CORO1C: variants seen among roughly 807,000 people sequenced by gnomAD.
The protein encoded by CORO1C is coronin-1C.
In CORO1C, 14 loss-of-function variants were observed where a neutral mutation model predicts 51.2. That is an observed-to-expected ratio of 0.27 (90% confidence interval 0.18 to 0.43). The LOEUF (loss-of-function observed/expected upper bound fraction) is 0.43. Ranked by LOEUF, CORO1C falls within the 20% of genes least tolerant of loss-of-function variation. The pLI, the probability that CORO1C is intolerant of heterozygous loss-of-function variation, is 1.00. For missense variants in CORO1C, 417 were observed against 607.8 expected, an observed-to-expected ratio of 0.69 and a Z score of 3.30; for synonymous variants, 181 against 210.5, an observed-to-expected ratio of 0.86 and a Z score of 1.21.
At chr12:108,654,936 C>A (rs2032869619) in intron 6 of CORO1C, among the ~76,000 whole-genome samples, 1 of 152,146 alleles carries the variant, frequency 6.6e-6, no homozygotes, top group Non-Finnish European at 1.5e-5. Flanking sequence ...CAACTCCCAG[C>A]CTCAAGTGAT....
chr12:108,666,290 T>C (rs1476622083), intron 3 of CORO1C, among the ~76,000 whole-genome samples: 7 of 152,124 alleles, frequency 4.6e-5, no homozygotes, highest in Non-Finnish European at 1.0e-4. Flanking sequence ...AAAAAGCTAA[T>C]ACTATAAGCA....
intron 1 of CORO1C, among the ~76,000 whole-genome samples, chr12:108,713,078 TC>T (rs1373826785): frequency 6.6e-6 from 1 of 151,882 alleles, no homozygotes; most frequent in Non-Finnish European, 1.5e-5. Flanking sequence ...CATGAGACAT[TC>T]CAAGAAAAAA....
At chr12:108,702,240 A>T (rs1180716434) in intron 1 of CORO1C, among the ~76,000 whole-genome samples, 1 of 152,190 alleles carries the variant, frequency 6.6e-6, no homozygotes, top group Admixed American at 6.5e-5. Context: ...CAGCAGTAAC[A>T]GTTGGGACCT....
chr12:108,650,096 T>C (rs192019337), intron 8 of CORO1C, among the ~76,000 whole-genome samples: 1 of 150,078 alleles, frequency 6.7e-6, no homozygotes, highest in East Asian at 2.0e-4. Context: ...AAAATCATCA[T>C]CCTCTTTAAA....
In CORO1C at chr12:108,658,777, T is replaced by C; in HGVS notation, c.591A>G (p.Lys197=). Reference sequence around the variant, plus strand: ...GTTTCCTGGGATCAATGACTCTCACTTTCTTGTCTTTGGAAGCTGTGCAGA... The same window carrying C: ...GTTTCCTGGGATCAATGACTCTCACCTTCTTGTCTTTGGAAGCTGTGCAGA... ...SLICTASKDK[K]VRVIDPRKQE... Residue 197 remains lysine, a synonymous_variant, in exon 5 of 11, where the codon AAA becomes AAG. Transcript: ENST00000261401. This position sits in a 1 kb window ranked among gnomAD's most constrained non-coding sequence, Gnocchi z 4.9. 1 of 1,613,012 alleles carries C rather than the reference T, an allele frequency of 6.2e-7. No individual in the cohort carries two copies. The highest frequency in any genetic ancestry group is 8.5e-7 in the Non-Finnish European group (1 of 1,178,976).
intron 2 of CORO1C, among the ~76,000 whole-genome samples, chr12:108,693,844 A>G (rs78603070): frequency 1.3e-3 from 185 of 147,988 alleles, no homozygotes; most frequent in African/African-American, 3.9e-3. Context: ...TACGCAGAGG[A>G]AAAAAAAAAA....
intron 1 of CORO1C, among the ~76,000 whole-genome samples, chr12:108,707,045 CAAAT>C (rs1407682221): frequency 2.6e-5 from 4 of 152,128 alleles, no homozygotes; most frequent in Non-Finnish European, 5.9e-5. Context: ...ATTAAAGACA[CAAAT>C]GAATGAAAAG....
In CORO1C at chr12:108,662,021, G is replaced by A. The variant is rs752883305; in HGVS notation, c.448+8C>T. The A allele has an allele frequency of 1.2e-6, 2 of 1,614,128 alleles. No homozygotes were observed. The highest frequency in any genetic ancestry group is 1.3e-5 in the African/African-American group (1 of 75,052). On this transcript the variant is annotated splice_region_variant and intron_variant, in intron 4 of 10. Transcript: ENST00000261401. Reference sequence around the variant, plus strand: ...GACAAGGGGAGGACCGCTGAGCTCAGCTCCCACCTGCACTAAGAAGCACAT... The same window carrying A: ...GACAAGGGGAGGACCGCTGAGCTCAACTCCCACCTGCACTAAGAAGCACAT...
At position 108,701,106 on chromosome 12, in the gene CORO1C, G is replaced by T; in HGVS notation, c.195+18C>A. 1 of 1,613,298 alleles carries T rather than the reference G, an allele frequency of 6.2e-7. No homozygotes were observed. The highest frequency in any genetic ancestry group is 1.1e-5 in the South Asian group (1 of 91,064). On this transcript the variant is annotated intron_variant, in intron 2 of 10. Coordinates refer to ENST00000261401, the MANE Select transcript of CORO1C (RefSeq NM_014325.4). ...CTATCAGAGGGTGTCTACCAGAATG[G>T]AAGATCAAATTACCTACCTTGTGCA...
At chr12:108,662,253 T>G in intron 3 of CORO1C, 95 bp from the exon 4 acceptor site, 1 of 1,066,844 alleles carries the variant, frequency 9.4e-7, no homozygotes. Flanking sequence ...TTGCTCTATG[T>G]AAACAGAACA....
Position 108,716,127 on chromosome 12 carries a change from CAAAAAAAA to C in CORO1C, c.-5-14812_-5-14805del, listed in dbSNP as rs61278729. On this transcript the variant is annotated intron_variant, in intron 1 of 10. Coordinates refer to ENST00000261401, the MANE Select transcript of CORO1C (RefSeq NM_014325.4). ...TTGGCAATAGAACGAGACTCTGTCGCAAAAAAAAAAAAAAAAAAAAAAAAAAAAAAATC... is the reference window on the plus strand; with the variant it reads ...TTGGCAATAGAACGAGACTCTGTCGCAAAAAAAAAAAAAAAAAAAAAAATC... 2.2e-4 allele frequency among the ~76,000 whole-genome samples: 9 copies of C among 41,086 alleles called. No individual in the cohort carries two copies. The South Asian group carries it at 5.3e-3, about 24-fold the overall frequency. 27.0% of individuals were successfully genotyped at this position (41,086 alleles called of 152,430 possible). A position where few individuals can be genotyped will look rare whatever the true frequency, so the allele number is the denominator to read the frequency against.
rs139334112 is a variant in CORO1C at position 108,660,451 on chromosome 12, CAAAA to C, written c.449-1536_449-1533del. On this transcript the variant is annotated intron_variant, in intron 4 of 10. Coordinates refer to ENST00000261401, the MANE Select transcript of CORO1C (RefSeq NM_014325.4). ...GAGCAACAAGAGCGAAACTCCATCT[CAAAA>C]AAAAAAAAAAAAAAAAAAGAAGTAG... 9.3e-3 allele frequency among the ~76,000 whole-genome samples: 816 copies of C among 87,472 alleles called. 4 individuals carry two copies. The highest frequency in any genetic ancestry group is 0.013 in the Non-Finnish European group (590 of 44,094). 57.4% of individuals were successfully genotyped at this position (87,472 alleles called of 152,430 possible).
Position 108,688,849 on chromosome 12 carries a change from G to C in CORO1C, c.196-10455C>G, listed in dbSNP as rs151080296. 6.3e-3 allele frequency among the ~76,000 whole-genome samples: 965 copies of C among 152,234 alleles called. 6 individuals are homozygous for C. Among genetic ancestry groups the C allele is most frequent in the Non-Finnish European group, 1.0e-2 (678 of 68,002 alleles). ...GTTCGAGACCAGCCTGGCCAAAATG[G>C]TGAAATCTCGTCTCTACTAAAAATA... On this transcript the variant is annotated intron_variant, in intron 2 of 10. Coordinates refer to ENST00000261401, the MANE Select transcript of CORO1C (RefSeq NM_014325.4).
intron 1 of CORO1C, among the ~76,000 whole-genome samples, chr12:108,724,296 T>C (rs189018152): frequency 2.6e-5 from 4 of 152,336 alleles, no homozygotes; most frequent in Admixed American, 2.6e-4. Context: ...GGTCAAAGAC[T>C]ACAAAGGGAA....
At chr12:108,712,643 G>A (rs868033649) in intron 1 of CORO1C, among the ~76,000 whole-genome samples, 6 of 149,198 alleles carry the variant, frequency 4.0e-5, no homozygotes, top group African/African-American at 9.9e-5. Context: ...ACACATTCAC[G>A]AGAGAGCAGA....
intron 2 of CORO1C, among the ~76,000 whole-genome samples, chr12:108,679,109 C>CAAAAAAAAAAAAAAAAAAAAGAAAAA (rs2034024163): frequency 4.5e-5 from 1 of 22,140 alleles, no homozygotes; most frequent in Non-Finnish European, 9.8e-5. Context: ...GACTCTGTCT[C>CAAAAAAAAAAAAAAAAAAAAGAAAAA]AAAAAAAAAA....
At chr12:108,657,187 T>C in intron 6 of CORO1C, 117 bp downstream of exon 6, 1 of 1,356,152 alleles carries the variant, frequency 7.4e-7, no homozygotes, top group Non-Finnish European at 1.0e-6. Flanking sequence ...TCTAAGACAA[T>C]CAGGCGTTTA....
intron 2 of CORO1C, among the ~76,000 whole-genome samples, chr12:108,699,710 A>T (rs2034804868): frequency 6.6e-6 from 1 of 152,260 alleles, no homozygotes. Flanking sequence ...AAGAACACTT[A>T]TAACAGTGTA....
rs1001906520 is a variant in CORO1C at position 108,657,554 on chromosome 12, T to C, written c.631-131A>G. The C allele has an allele frequency of 4.6e-6, 4 of 878,780 alleles. No individual in the cohort carries two copies. The African/African-American group carries it at 6.7e-5, about 15-fold the overall frequency. The allele number at this position is 878,780 out of a possible 1,614,324, so 54.4% of individuals were successfully genotyped here. ...CTGGGTGTGGGAGGGAGGTCAGTGT[T>C]AACCATCCCCCTTCCCCAGATGAGG... On this transcript the variant is annotated intron_variant, in intron 5 of 10. Transcript: ENST00000261401.
Sources: allele counts gnomAD v4.1 joint callset (sites outside exome capture counted in the v4.1 genomes callset), GRCh38; gene constraint gnomAD v4.1.1; non-coding constraint Gnocchi (gnomAD v3.1); transcripts MANE v1.5; gene names NCBI Gene and HGNC (gene_info 2026-07-23, HGNC 2026-07-21).